The following ST6GALNAC3 variants were observed in gnomAD, a reference collection of about 807,000 sequenced individuals.
ST6GALNAC3 encodes ST6 N-acetylgalactosaminide alpha-2,6-sialyltransferase 3.
Under a neutral mutation model 32.7 loss-of-function variants are expected in ST6GALNAC3, and 25 were observed. The observed-to-expected ratio is 0.76, with a 90% CI of 0.56 to 1.07. The LOEUF (loss-of-function observed/expected upper bound fraction) is 1.07. Among genes scored for constraint, ST6GALNAC3 ranks in the 50% least tolerant of loss-of-function variants. ST6GALNAC3 has a pLI of 0.00. For missense variants in ST6GALNAC3, 355 were observed against 382.4 expected, an observed-to-expected ratio of 0.93 and a Z score of 0.60; for synonymous variants, 129 against 133.1, an observed-to-expected ratio of 0.97 and a Z score of 0.21.
Position 76,098,099 on chromosome 1 carries a change from A to T in ST6GALNAC3, c.18+23215A>T, listed in dbSNP as rs200350005. ...TATGTAGGCAATAAGAGATGAGGAA[A>T]TGAATTTATTAATAAAAGTGAAATG... On this transcript the variant is annotated intron_variant, in intron 1 of 4. Transcript: ENST00000328299. Among the ~76,000 whole-genome samples, 8 of 152,298 alleles carry T rather than the reference A, an allele frequency of 5.3e-5. No individual in the cohort carries two copies. In the East Asian group the frequency reaches 9.7e-4, roughly 18 times the overall value.
chr1:76,568,052 G>C, intron 3 of ST6GALNAC3, among the ~76,000 whole-genome samples: 1 of 152,226 alleles, frequency 6.6e-6, no homozygotes, highest in Admixed American at 6.5e-5. Flanking sequence ...TTAAACTTAA[G>C]ATGGGAATCA....
At chr1:76,155,992 C>T (rs929758484) in intron 1 of ST6GALNAC3, among the ~76,000 whole-genome samples, 1 of 152,128 alleles carries the variant, frequency 6.6e-6, no homozygotes, top group African/African-American at 2.4e-5. Context: ...TTCTTAAGAT[C>T]CTGCTGGCGG....
At chr1:76,510,548 C>T (rs1661790778) in intron 3 of ST6GALNAC3, among the ~76,000 whole-genome samples, 2 of 151,952 alleles carry the variant, frequency 1.3e-5, no homozygotes, top group South Asian at 4.2e-4. Context: ...TATAGTGGAC[C>T]CAAGAATAAT....
intron 3 of ST6GALNAC3, among the ~76,000 whole-genome samples, chr1:76,614,775 A>C (rs1648184331): frequency 6.6e-6 from 1 of 151,014 alleles, no homozygotes; most frequent in South Asian, 2.1e-4. Context: ...CCAATACGCA[A>C]ACTATGCCCA....
At chr1:76,359,936 A>G (rs1035158921) in intron 2 of ST6GALNAC3, among the ~76,000 whole-genome samples, 1 of 152,198 alleles carries the variant, frequency 6.6e-6, no homozygotes, top group African/African-American at 2.4e-5. Flanking sequence ...ATCTTTAGCT[A>G]AGACTTCTCT....
At chr1:76,106,509 G>T (rs1203812373) in intron 1 of ST6GALNAC3, among the ~76,000 whole-genome samples, 1 of 152,178 alleles carries the variant, frequency 6.6e-6, no homozygotes, top group African/African-American at 2.4e-5. Flanking sequence ...GCTGTGCCTT[G>T]TGCTTGGGAT....
At chr1:76,083,815 C>G (rs1646930566) in intron 1 of ST6GALNAC3, among the ~76,000 whole-genome samples, 1 of 151,966 alleles carries the variant, frequency 6.6e-6, no homozygotes, top group African/African-American at 2.4e-5. Flanking sequence ...GTACGTTTTA[C>G]ACTTATAGCA....
At chr1:76,397,788 T>C (rs969335650) in intron 2 of ST6GALNAC3, among the ~76,000 whole-genome samples, 5 of 152,182 alleles carry the variant, frequency 3.3e-5, no homozygotes, top group African/African-American at 9.6e-5. Context: ...CTGTTTTTTG[T>C]ATTGTTTTGT....
At chr1:76,620,443 A>C (rs181027723) in intron 3 of ST6GALNAC3, among the ~76,000 whole-genome samples, 69 of 152,168 alleles carry the variant, frequency 4.5e-4, no homozygotes, top group Non-Finnish European at 9.0e-4. Context: ...AATATCACAT[A>C]GCTTAAACAG....
chr1:76,552,843 T>G (rs1557562980), intron 3 of ST6GALNAC3, among the ~76,000 whole-genome samples: 2 of 152,188 alleles, frequency 1.3e-5, no homozygotes, highest in South Asian at 2.1e-4. Context: ...TATGTTGCAT[T>G]ATTAGGTTTG....
intron 3 of ST6GALNAC3, among the ~76,000 whole-genome samples, chr1:76,585,794 C>T (rs1646954353): frequency 6.6e-6 from 1 of 152,104 alleles, no homozygotes. Flanking sequence ...TAAAATCAAT[C>T]AAATACCCAG....
intron 1 of ST6GALNAC3, among the ~76,000 whole-genome samples, chr1:76,117,105 A>G (rs1648530734): frequency 6.6e-6 from 1 of 152,170 alleles, no homozygotes; most frequent in South Asian, 2.1e-4. Flanking sequence ...TTCTGTTTAT[A>G]CTAGCCACAA....
At chr1:76,288,737 C>G (rs1174196827) in intron 1 of ST6GALNAC3, among the ~76,000 whole-genome samples, 1 of 152,124 alleles carries the variant, frequency 6.6e-6, no homozygotes, top group Admixed American at 6.5e-5. Context: ...GAGAGAAGAA[C>G]ATGCCATGTG....
At chr1:76,212,066 T>C (rs2100576502) in intron 1 of ST6GALNAC3, among the ~76,000 whole-genome samples, 1 of 152,330 alleles carries the variant, frequency 6.6e-6, no homozygotes, top group Admixed American at 6.5e-5. Context: ...GACTTTCTTA[T>C]TTAAGCATAT....
intron 2 of ST6GALNAC3, among the ~76,000 whole-genome samples, chr1:76,316,192 G>T (rs971233448): frequency 6.6e-6 from 1 of 152,096 alleles, no homozygotes; most frequent in Non-Finnish European, 1.5e-5. Context: ...AGTAAAAATT[G>T]TAATACCCAC....
At chr1:76,487,980 C>T (rs1660237271) in intron 3 of ST6GALNAC3, among the ~76,000 whole-genome samples, 1 of 152,132 alleles carries the variant, frequency 6.6e-6, no homozygotes, top group Non-Finnish European at 1.5e-5. Flanking sequence ...TTGGAGTTTG[C>T]TGGAGGTCAA....
At position 76,428,481 on chromosome 1, in the gene ST6GALNAC3, C is replaced by T. The variant is rs541971499; in HGVS notation, c.623+16064C>T. Among the ~76,000 whole-genome samples, 10 of 152,116 alleles carry T rather than the reference C, an allele frequency of 6.6e-5. No individual in the cohort carries two copies. In the East Asian group the frequency reaches 9.7e-4, roughly 15 times the overall value. ...TTATCCATCTTAAAATTTCCTCAGG[C>T]GTGTGCTGAATGAGCCTACTTCATG... On this transcript the variant is annotated intron_variant, in intron 3 of 4. Transcript: ENST00000328299.
chr1:76,623,154 C>G (rs1648751082), intron 3 of ST6GALNAC3, among the ~76,000 whole-genome samples: 1 of 151,904 alleles, frequency 6.6e-6, no homozygotes, highest in Admixed American at 6.6e-5. Context: ...TTGAAATAAA[C>G]TAGATGAAAG....
intron 3 of ST6GALNAC3, among the ~76,000 whole-genome samples, chr1:76,571,277 G>A (rs1444508375): frequency 6.6e-6 from 1 of 151,996 alleles, no homozygotes; most frequent in African/African-American, 2.4e-5. Flanking sequence ...CAATTCCAAT[G>A]TCATGCTCTT....
Sources: allele counts gnomAD v4.1 joint callset (sites outside exome capture counted in the v4.1 genomes callset), GRCh38; gene constraint gnomAD v4.1.1; transcripts MANE v1.5; gene names NCBI Gene and HGNC (gene_info 2026-07-23, HGNC 2026-07-21).